Variants in DOCK2 observed in about 807,000 individuals in gnomAD.
DOCK2 encodes dedicator of cytokinesis 2.
DOCK2 carries 87 observed loss-of-function variants against 248.9 expected under a neutral mutation model. The observed-to-expected ratio is 0.35, with a 90% CI of 0.29 to 0.42. DOCK2 has a LOEUF of 0.42. Among genes scored for constraint, DOCK2 ranks in the 10% least tolerant of loss-of-function variants. The probability of loss-of-function intolerance (pLI) is 1.00; values close to 1 mark genes in which losing one functional copy is unlikely to be tolerated. For synonymous variants in DOCK2, 805 were observed against 821.6 expected, an observed-to-expected ratio of 0.98 and a Z score of 0.35; for missense variants, 1,747 against 2,300.2, an observed-to-expected ratio of 0.76 and a Z score of 4.92.
At chr5:170,064,145 C>T (rs945085300) in intron 44 of DOCK2, among the ~76,000 whole-genome samples, 5 of 152,270 alleles carry the variant, frequency 3.3e-5, no homozygotes, top group African/African-American at 1.2e-4. Flanking sequence ...TGGTCAGATC[C>T]TTCTTCTACA....
chr5:169,817,985 C>T (rs1029213781), intron 26 of DOCK2, among the ~76,000 whole-genome samples: 27 of 152,178 alleles, frequency 1.8e-4, no homozygotes, highest in African/African-American at 6.0e-4. Flanking sequence ...ATTAAAACAT[C>T]GCATAAAAAG....
At chr5:170,064,017 C>T (rs56201454) in intron 44 of DOCK2, among the ~76,000 whole-genome samples, 21,826 of 152,084 alleles carry the variant, frequency 0.14, 1,746 homozygotes, top group African/African-American at 0.21. Context: ...TTATCTGTCA[C>T]TGGGTACTGA....
chr5:170,082,313 C>G (rs1225408164), intron 51 of DOCK2, among the ~76,000 whole-genome samples: 1 of 152,178 alleles, frequency 6.6e-6, no homozygotes, highest in Admixed American at 6.5e-5. Flanking sequence ...TCACAAAATC[C>G]TACAAATTGA....
chr5:169,873,311 A>G (rs931118914), intron 27 of DOCK2, among the ~76,000 whole-genome samples: 1 of 152,178 alleles, frequency 6.6e-6, no homozygotes, highest in Non-Finnish European at 1.5e-5. Context: ...TACCTTTTAC[A>G]TTTTACATGT....
intron 25 of DOCK2, among the ~76,000 whole-genome samples, chr5:169,787,967 A>T (rs994253872): frequency 6.6e-6 from 1 of 152,120 alleles, no homozygotes; most frequent in South Asian, 2.1e-4. Flanking sequence ...AGCCGCATCC[A>T]CTGTATCTCT....
In DOCK2 at chr5:169,781,908, T is replaced by C. The variant is rs149540349; in HGVS notation, c.2554+20283T>C. On this transcript the variant is annotated intron_variant, in intron 25 of 51. Coordinates refer to ENST00000520908, the MANE Select transcript of DOCK2 (RefSeq NM_004946.3). ...TTTTCATCAGGCTCATCCCTGCCGA[T>C]GTCCCAGATTTGCCAGAACCCCCGT... Among the ~76,000 whole-genome samples the C allele has an allele frequency of 4.4e-4, 67 of 152,324 alleles. 1 individual carries two copies. The highest frequency in any genetic ancestry group is 8.5e-4 in the Non-Finnish European group (58 of 68,026).
intron 13 of DOCK2, among the ~76,000 whole-genome samples, chr5:169,700,799 G>A (rs1760920913): frequency 1.3e-5 from 2 of 151,980 alleles, no homozygotes; most frequent in Non-Finnish European, 2.9e-5. Context: ...ATGCTAAAGG[G>A]TCATGTCATC....
intron 25 of DOCK2, among the ~76,000 whole-genome samples, chr5:169,767,090 G>C (rs1334787665): frequency 6.6e-6 from 1 of 152,198 alleles, no homozygotes; most frequent in Non-Finnish European, 1.5e-5. Flanking sequence ...CATTTTGAGT[G>C]GCGAGAGATG....
At chr5:169,725,676 G>A (rs1287722602) in intron 22 of DOCK2, among the ~76,000 whole-genome samples, 1 of 150,018 alleles carries the variant, frequency 6.7e-6, no homozygotes, top group African/African-American at 2.5e-5. Flanking sequence ...CCCCCGACAG[G>A]CCCCGGTGTG....
intron 32 of DOCK2, among the ~76,000 whole-genome samples, chr5:170,015,753 A>G (rs1755506818): frequency 6.6e-6 from 1 of 151,830 alleles, no homozygotes. Context: ...GGCTTGCCCA[A>G]CTTAATTCTC....
At position 169,902,047 on chromosome 5, in the gene DOCK2, C is replaced by G. The variant is rs184575028; in HGVS notation, c.2799+61195C>G. Among the ~76,000 whole-genome samples the G allele has an allele frequency of 9.7e-4, 147 of 152,252 alleles. 1 individual carries two copies. Among genetic ancestry groups the G allele is most frequent in the Admixed American group, 3.1e-3 (47 of 15,300 alleles). ...CCAATCAGTCAAACGGTTTGTTTCT[C>G]CCTCTCTGTGTGCCAAGGAAACCAC... On this transcript the variant is annotated intron_variant, in intron 27 of 51. Transcript: ENST00000520908.
chr5:169,831,485 A>G (rs1269393644), intron 26 of DOCK2, among the ~76,000 whole-genome samples: 3 of 152,200 alleles, frequency 2.0e-5, no homozygotes, highest in Admixed American at 1.3e-4. Context: ...ATGATTTACC[A>G]TCTGCAAAGT....
Position 169,695,893 on chromosome 5 carries a change from G to A in DOCK2, c.934G>A (p.Ala312Thr), listed in dbSNP as rs753706915. ...CAAGATGGATCTTAAGGATACTGGTGCAAAGAAGTGCACGCAGGGACTGAG... is the reference window on the plus strand; with the variant it reads ...CAAGATGGATCTTAAGGATACTGGTACAAAGAAGTGCACGCAGGGACTGAG... Reference protein sequence around the residue: ...VGKMDLKDTGAKKCTQGLRRP... With the variant: ...VGKMDLKDTGTKKCTQGLRRP... The change falls in exon 10 of 52, where the codon GCA (alanine) becomes ACA (threonine). Residue 312 changes from alanine to threonine, a missense_variant. Ala to Thr is a moderately conservative substitution (Grantham distance 58). Around this residue, in one of 4 missense-constraint regions of DOCK2, gnomAD observed 375 missense variants for 510.9 expected, o/e 0.73. Coordinates refer to ENST00000520908, the MANE Select transcript of DOCK2 (RefSeq NM_004946.3). The A allele has an allele frequency of 2.3e-5, 37 of 1,613,792 alleles. No individual in the cohort carries two copies. The highest frequency in any genetic ancestry group is 3.1e-5 in the Non-Finnish European group (36 of 1,179,920).
At chr5:170,050,524 G>A in intron 41 of DOCK2, 127 bp downstream of exon 41, 2 of 1,109,528 alleles carry the variant, frequency 1.8e-6, no homozygotes, top group Non-Finnish European at 2.6e-6. Context: ...CCATGTTGCA[G>A]GAACATGCAA....
intron 14 of DOCK2, among the ~76,000 whole-genome samples, chr5:169,703,764 C>T (rs913139656): frequency 3.9e-5 from 6 of 152,148 alleles, no homozygotes; most frequent in African/African-American, 1.4e-4. Flanking sequence ...GTGAGAAATA[C>T]TTGACTCAAA....
At chr5:169,646,909 A>G (rs1757501963) in intron 1 of DOCK2, among the ~76,000 whole-genome samples, 1 of 152,244 alleles carries the variant, frequency 6.6e-6, no homozygotes, top group Non-Finnish European at 1.5e-5. Flanking sequence ...TGTTCAGATC[A>G]ATTAAGTTCA....
rs1008639266 is a variant in DOCK2 at position 169,881,385 on chromosome 5, C to T, written c.2799+40533C>T. On this transcript the variant is annotated intron_variant, in intron 27 of 51. Coordinates refer to ENST00000520908, the MANE Select transcript of DOCK2 (RefSeq NM_004946.3). ...CCAGGTACCTGTATATGATGCACGC[C>T]GTGTTCTGGCAGGTACTGCAATTGT... is the stretch of plus-strand genomic sequence containing the variant. 1.2e-5 allele frequency: 19 copies of T among 1,551,356 alleles called. No individual in the cohort carries two copies. In the African/African-American group the frequency reaches 1.4e-4, roughly 11 times the overall value.
intron 2 of DOCK2, among the ~76,000 whole-genome samples, 185 bp from the exon 3 acceptor site, chr5:169,669,103 G>C (rs1313780008): frequency 6.6e-6 from 1 of 152,136 alleles, no homozygotes; most frequent in Non-Finnish European, 1.5e-5. Flanking sequence ...ATGTTATTTT[G>C]AGATGTTGGC....
At chr5:169,970,429 A>T (rs772300349) in intron 27 of DOCK2, among the ~76,000 whole-genome samples, 1 of 152,244 alleles carries the variant, frequency 6.6e-6, no homozygotes, top group Non-Finnish European at 1.5e-5. Flanking sequence ...GGAAAGAACA[A>T]TCACTTTGTT....
Sources: gnomAD v4.1 joint callset for allele counts (sites outside exome capture counted in the v4.1 genomes callset) on GRCh38, gnomAD v4.1.1 for gene constraint, gnomAD v4.1.1 regional missense constraint, MANE v1.5 for transcripts, NCBI Gene and HGNC (gene_info 2026-07-23, HGNC 2026-07-21) for gene names.